OVCH2: variants seen among roughly 807,000 people sequenced by gnomAD.
The protein encoded by OVCH2 is ovochymase 2.
In OVCH2, 88 loss-of-function variants were observed where a neutral mutation model predicts 73.7. The observed-to-expected ratio is 1.19, with a 90% CI of 1.01 to 1.43. OVCH2 has a LOEUF of 1.43. OVCH2 is among the 40% of genes most tolerant of loss of function. OVCH2 has a pLI of 0.00. For missense variants in OVCH2, 706 were observed against 674.5 expected (o/e 1.05, Z -0.52); for synonymous variants, 265 against 234.5 (o/e 1.13, Z -1.19).
At chr11:7,701,861 A>G in intron 4 of OVCH2, 50 bp from the exon 5 acceptor site, 1 of 1,459,168 alleles carries the variant, frequency 6.9e-7, no homozygotes, top group African/African-American at 1.4e-5. Context: ...AGGAGAGGAC[A>G]CTATAAGCCA....
At chr11:7,694,931 G>T in intron 12 of OVCH2, 127 bp downstream of exon 12, 1 of 1,067,824 alleles carries the variant, frequency 9.4e-7, no homozygotes. Context: ...TTGTGTGTCA[G>T]GTGCTGGGTT....
intron 2 of OVCH2, 26 bp downstream of exon 2, chr11:7,704,539 G>A (rs1856498007): frequency 6.9e-7 from 1 of 1,454,850 alleles, no homozygotes; most frequent in Non-Finnish European, 9.6e-7. Context: ...CACAGTTCTT[G>A]ATGCATAGAA....
intron 2 of OVCH2, 142 bp from the exon 3 acceptor site, chr11:7,703,931 C>T (rs192033359): frequency 8.5e-6 from 6 of 709,262 alleles, no homozygotes; most frequent in African/African-American, 7.1e-5. Flanking sequence ...AGATAAAGCC[C>T]AGACACTACC....
the OVCH2 span, among the ~76,000 whole-genome samples, chr11:7,680,829 T>A: frequency 6.6e-6 from 1 of 152,238 alleles, no homozygotes; most frequent in Non-Finnish European, 1.5e-5. Flanking sequence ...AATAAATGAA[T>A]GATTGTTTTT....
chr11:7,684,078 CCCA>C, the OVCH2 span, among the ~76,000 whole-genome samples: 1 of 151,406 alleles, frequency 6.6e-6, no homozygotes, highest in Non-Finnish European at 1.5e-5. Flanking sequence ...CTTCCCCATC[CCCA>C]CTAGACTGTT....
chr11:7,693,254 G>A (rs1049399730), intron 12 of OVCH2, among the ~76,000 whole-genome samples: 3 of 152,198 alleles, frequency 2.0e-5, no homozygotes, highest in Non-Finnish European at 4.4e-5. Context: ...AAAACTGGAG[G>A]CAAATAATTA....
chr11:7,701,862 C>T (rs1856446136), intron 4 of OVCH2, 51 bp from the exon 5 acceptor site: 2 of 1,459,960 alleles, frequency 1.4e-6, no homozygotes, highest in Admixed American at 3.8e-5. Context: ...GGAGAGGACA[C>T]TATAAGCCAC....
chr11:7,695,587 T>G lies in OVCH2; in HGVS notation c.1265A>C (p.Lys422Thr). ...AGFNLTYKAL[K>T]PNYIPDSGCS... ...GGTTTTACCAGGAATGTAGTTTGGT[T>G]TAAGAGCTTTATAGGTAAGATTAAA... Residue 422 changes from lysine to threonine, a missense_variant, in exon 11 of 16, where the codon AAA (lysine) becomes ACA (threonine). By Grantham distance (78) the Lys-to-Thr change is moderately conservative (BLOSUM62 -1). Transcript: ENST00000533663. 1 of 1,613,656 alleles carries G rather than the reference T, an allele frequency of 6.2e-7. No homozygotes were observed. The highest frequency in any genetic ancestry group is 8.5e-7 in the Non-Finnish European group (1 of 1,179,672).
chr11:7,689,028 C>G (rs1856172805), downstream of OVCH2, among the ~76,000 whole-genome samples: 1 of 152,238 alleles, frequency 6.6e-6, no homozygotes, highest in African/African-American at 2.4e-5. Context: ...TCCCATGAAG[C>G]TCCATGTGAT....
chr11:7,700,459 G>A lies in OVCH2; in HGVS notation c.738C>T (p.Cys246=). 1.2e-6 allele frequency: 2 copies of A among 1,608,154 alleles called. No individual in the cohort carries two copies. Among genetic ancestry groups the A allele is most frequent in the Admixed American group, 1.7e-5 (1 of 59,100 alleles). Residue 246 remains cysteine (C), a synonymous_variant, in exon 7 of 16, where the codon TGC becomes TGT. Transcript: ENST00000533663. ...CQGDSGGSLM[C]RNKKGAWTLA... is the part of the protein sequence containing the mutation. ...GAGTCCAGGCCCCTTTCTTATTCCGGCACATGAGTGAACCTCCTGAATCTC... is the reference window on the plus strand; with the variant it reads ...GAGTCCAGGCCCCTTTCTTATTCCGACACATGAGTGAACCTCCTGAATCTC...
chr11:7,704,215 C>G (rs1856493619), intron 2 of OVCH2, among the ~76,000 whole-genome samples: 1 of 152,164 alleles, frequency 6.6e-6, no homozygotes, highest in Non-Finnish European at 1.5e-5. Flanking sequence ...TCAACACATA[C>G]TCCTATTTCT....
At chr11:7,679,507 T>C in the OVCH2 span, among the ~76,000 whole-genome samples, 2 of 152,174 alleles carry the variant, frequency 1.3e-5, no homozygotes, top group Non-Finnish European at 2.9e-5. Context: ...GTGAGTGAGT[T>C]CTCACCAGAT....
At position 7,700,492 on chromosome 11, in the gene OVCH2, A is replaced by C. The variant is rs1425196125; in HGVS notation, c.712-7T>G. The C allele has an allele frequency of 6.3e-7, 1 of 1,594,660 alleles. No homozygotes were observed. Among genetic ancestry groups the C allele is most frequent in the African/African-American group, 1.3e-5 (1 of 74,590 alleles). ...GTGAACCTCCTGAATCTCCCTGCAGAGGGAAAAAGCCTCTATTAGCATCAC... is the reference window on the plus strand; with the variant it reads ...GTGAACCTCCTGAATCTCCCTGCAGCGGGAAAAAGCCTCTATTAGCATCAC... On this transcript the variant is annotated splice_region_variant and splice_polypyrimidine_tract_variant and intron_variant, in intron 6 of 15. Transcript: ENST00000533663.
intron 13 of OVCH2, 50 bp from the exon 14 acceptor site, chr11:7,691,450 G>A (rs1237174652): frequency 1.9e-6 from 3 of 1,567,814 alleles, no homozygotes; most frequent in East Asian, 2.3e-5. Context: ...CCAGCAGATA[G>A]CCATGGCATT....
At chr11:7,703,907 C>T (rs11041539) in intron 2 of OVCH2, 118 bp from the exon 3 acceptor site, 218,950 of 819,248 alleles carry the variant, frequency 0.27, 33,082 homozygotes, top group Non-Finnish European at 0.33. Flanking sequence ...TGTCAAGAAT[C>T]GTGGACTGTG....
intron 12 of OVCH2, among the ~76,000 whole-genome samples, chr11:7,693,739 C>G (rs1856265415): frequency 6.6e-6 from 1 of 152,164 alleles, no homozygotes; most frequent in Admixed American, 6.6e-5. Context: ...ATCATCTTTT[C>G]CCACTCATTC....
intron 7 of OVCH2, 145 bp downstream of exon 7, chr11:7,700,151 T>C (rs1040785485): frequency 2.6e-6 from 2 of 757,374 alleles, no homozygotes; most frequent in South Asian, 2.1e-5. Context: ...TTAGACTTGG[T>C]AAACCTCACA....
chr11:7,694,949 C>G (rs564222518), intron 12 of OVCH2, 109 bp downstream of exon 12: 2 of 1,317,268 alleles, frequency 1.5e-6, no homozygotes, highest in African/African-American at 3.0e-5. Context: ...GTTCTAGGTA[C>G]TGAAAACACA....
Position 7,695,609 on chromosome 11 carries a change from T to C in OVCH2, c.1243A>G (p.Asn415Asp). 1 of 1,613,442 alleles carries C rather than the reference T, an allele frequency of 6.2e-7. No homozygotes were observed. The change falls in exon 11 of 16, where the codon AAT (asparagine) becomes GAT (aspartate). Residue 415 changes from asparagine (N) to aspartate (D), a missense_variant. Transcript: ENST00000533663. ...SDATDNAAGF[N>D]LTYKALKPNY... Reference sequence around the variant, plus strand: ...GGTTTAAGAGCTTTATAGGTAAGATTAAACCCAGCTGCATTATCTGTGGCA... The same window carrying C: ...GGTTTAAGAGCTTTATAGGTAAGATCAAACCCAGCTGCATTATCTGTGGCA...
Sources: allele counts gnomAD v4.1 joint callset (sites outside exome capture counted in the v4.1 genomes callset), GRCh38; gene constraint gnomAD v4.1.1; transcripts MANE v1.5; gene names NCBI Gene and HGNC (gene_info 2026-07-23, HGNC 2026-07-21).